Variants in PKP4 observed in about 807,000 individuals in gnomAD.
PKP4 encodes the protein plakophilin 4, also known as plakophilin-4.
Under a neutral mutation model 145.1 loss-of-function variants are expected in PKP4, and 90 were observed. The observed-to-expected ratio is 0.62, with a 90% CI of 0.52 to 0.74. The LOEUF is 0.74. Ranked by LOEUF, PKP4 falls within the 30% of genes least tolerant of loss-of-function variation. The pLI, the probability that PKP4 is intolerant of heterozygous loss-of-function variation, is 0.00. For missense variants in PKP4, 1,340 were observed against 1,482.7 expected (o/e 0.90, Z 1.58); for synonymous variants, 563 against 577.2 (o/e 0.98, Z 0.35).
Position 158,676,605 on chromosome 2 carries a change from G to A in PKP4, c.3128-134G>A, listed in dbSNP as rs1362375650. On this transcript the variant is annotated intron_variant, in intron 19 of 21. Transcript: ENST00000389759. ...CTGCTCTTCCACTCCCAGCACCTCT[G>A]AGATATTTTCAGCACCAGCTGTGTG... 11 of 1,072,930 alleles carry A rather than the reference G, an allele frequency of 1.0e-5. No individual in the cohort carries two copies. The African/African-American group carries it at 1.1e-4, about 11-fold the overall frequency. 66.5% of individuals were successfully genotyped at this position (1,072,930 alleles called of 1,614,324 possible).
At chr2:158,579,444 TA>T (rs57964242) in intron 3 of PKP4, among the ~76,000 whole-genome samples, 20,437 of 136,452 alleles carry the variant, frequency 0.15, 1,444 homozygotes, top group Non-Finnish European at 0.18. Context: ...TCTGATTTTG[TA>T]AAAAAAAAAA....
intron 19 of PKP4, 135 bp from the exon 20 acceptor site, chr2:158,676,604 T>C (rs941551087): frequency 3.8e-6 from 4 of 1,064,424 alleles, no homozygotes; most frequent in African/African-American, 3.1e-5. Flanking sequence ...CCAGCACCTC[T>C]GAGATATTTT....
At chr2:158,557,517 C>A (rs2046200153) in intron 2 of PKP4, among the ~76,000 whole-genome samples, 1 of 152,130 alleles carries the variant, frequency 6.6e-6, no homozygotes, top group Non-Finnish European at 1.5e-5. Context: ...TTCTTAAATC[C>A]AGCTAAGTAC....
chr2:158,516,129 T>C (rs2041923115), intron 1 of PKP4, among the ~76,000 whole-genome samples: 1 of 152,146 alleles, frequency 6.6e-6, no homozygotes, highest in Non-Finnish European at 1.5e-5. Context: ...AGGTTCTTTT[T>C]TTCATGATTT....
intron 3 of PKP4, among the ~76,000 whole-genome samples, chr2:158,592,920 A>G (rs1408807306): frequency 1.3e-5 from 2 of 152,178 alleles, no homozygotes; most frequent in South Asian, 2.1e-4. Flanking sequence ...GTAGACTGCT[A>G]CAGCTTAGTC....
At chr2:158,473,443 T>G (rs1366046889) in intron 1 of PKP4, among the ~76,000 whole-genome samples, 1 of 152,126 alleles carries the variant, frequency 6.6e-6, no homozygotes, top group Non-Finnish European at 1.5e-5. Flanking sequence ...ATAAAGAAAA[T>G]GTGGTACATA....
chr2:158,584,048 C>T (rs868523092), intron 3 of PKP4, among the ~76,000 whole-genome samples: 2 of 152,114 alleles, frequency 1.3e-5, no homozygotes, highest in Non-Finnish European at 2.9e-5. Context: ...GGCCGCATTC[C>T]GTTTCCCAGG....
chr2:158,471,232 A>G (rs1691519759), intron 1 of PKP4, among the ~76,000 whole-genome samples: 1 of 152,218 alleles, frequency 6.6e-6, no homozygotes, highest in Non-Finnish European at 1.5e-5. Context: ...GAATAGAATT[A>G]AAAGAAATCA....
chr2:158,577,548 A>G (rs950532338), intron 3 of PKP4, among the ~76,000 whole-genome samples, 165 bp downstream of exon 3: 3 of 152,182 alleles, frequency 2.0e-5, no homozygotes, highest in African/African-American at 7.2e-5. Context: ...GCCTCTTGCA[A>G]TCCCTCAGTC....
chr2:158,485,855 C>T (rs1259930221), intron 1 of PKP4, among the ~76,000 whole-genome samples: 8 of 152,060 alleles, frequency 5.3e-5, no homozygotes, highest in Admixed American at 5.2e-4. Flanking sequence ...AACACCCATC[C>T]TTAATGTCAA....
chr2:158,525,977 T>C (rs1204024255), intron 1 of PKP4, among the ~76,000 whole-genome samples: 1 of 151,152 alleles, frequency 6.6e-6, no homozygotes, highest in Non-Finnish European at 1.5e-5. Context: ...GGAGCTGAAA[T>C]TGTGGCAATA....
intron 1 of PKP4, 55 bp from the exon 2 acceptor site, chr2:158,533,125 G>A (rs1042835621): frequency 6.2e-5 from 94 of 1,516,418 alleles, no homozygotes; most frequent in Non-Finnish European, 7.9e-5. Context: ...TAAAGCCTTG[G>A]TTCCTGCAAG....
chr2:158,677,024 G>T, intron 20 of PKP4, 157 bp downstream of exon 20: 1 of 835,980 alleles, frequency 1.2e-6, no homozygotes. Flanking sequence ...GGGGATTGTT[G>T]CCTTTTCTGC....
At chr2:158,469,764 G>T (rs557395874) in intron 1 of PKP4, among the ~76,000 whole-genome samples, 2 of 152,234 alleles carry the variant, frequency 1.3e-5, no homozygotes, top group African/African-American at 2.4e-5. Context: ...TTTTAATATG[G>T]TGCTTTTAAG....
At chr2:158,528,560 G>A (rs7598147) in intron 1 of PKP4, among the ~76,000 whole-genome samples, 71,205 of 112,530 alleles carry the variant, frequency 0.63, 22,971 homozygotes, top group South Asian at 0.8. Flanking sequence ...TGGGTGCAGC[G>A]CACCAGCATG....
chr2:158,468,804 C>T (rs1471074203), intron 1 of PKP4, among the ~76,000 whole-genome samples: 1 of 132,862 alleles, frequency 7.5e-6, no homozygotes, highest in Non-Finnish European at 1.6e-5. Flanking sequence ...CAGGGTCTCA[C>T]TCTGTCACCC....
intron 2 of PKP4, among the ~76,000 whole-genome samples, chr2:158,543,891 A>T (rs182705994): frequency 6.6e-6 from 1 of 152,308 alleles, no homozygotes; most frequent in Admixed American, 6.5e-5. Context: ...GTGTTCACTG[A>T]GCACTTACTA....
intron 2 of PKP4, among the ~76,000 whole-genome samples, chr2:158,533,983 G>A (rs1275311283): frequency 1.3e-5 from 2 of 151,996 alleles, no homozygotes; most frequent in African/African-American, 4.8e-5. Flanking sequence ...TAAGGTAAAT[G>A]TAAATTTAAA....
Position 158,466,630 on chromosome 2 carries a change from G to A in PKP4, c.-6+9412G>A, listed in dbSNP as rs561238102. ...TGAGGTGAGAGAATCACGTGAACCC[G>A]TGAGGCAGAGGTTGCAGTGGGCAGA... On this transcript the variant is annotated intron_variant, in intron 1 of 21. Coordinates refer to ENST00000389759, the MANE Select transcript of PKP4 (RefSeq NM_003628.6). Among the ~76,000 whole-genome samples, 11 of 152,244 alleles carry A rather than the reference G, an allele frequency of 7.2e-5. No homozygotes were observed. In the South Asian group the frequency reaches 8.3e-4, roughly 11 times the overall value.
Sources: allele counts gnomAD v4.1 joint callset (sites outside exome capture counted in the v4.1 genomes callset), GRCh38; gene constraint gnomAD v4.1.1; transcripts MANE v1.5; gene names NCBI Gene and HGNC (gene_info 2026-07-23, HGNC 2026-07-21).